Variants in LHFPL6 observed in about 807,000 individuals in gnomAD.
LHFPL6 encodes the protein LHFPL tetraspan subfamily member 6.
In LHFPL6, 9 loss-of-function variants were observed where a neutral mutation model predicts 20.6. That is an observed-to-expected ratio of 0.44 (90% CI 0.26 to 0.76). The LOEUF is 0.76. LHFPL6 is among the 30% of genes least tolerant of loss of function. The pLI is 0.20. For missense variants in LHFPL6, 218 were observed against 253.5 expected (o/e 0.86, Z 0.95); for synonymous variants, 105 against 98.7 (o/e 1.06, Z -0.38).
intron 2 of LHFPL6, among the ~76,000 whole-genome samples, chr13:39,500,811 G>C (rs1162240424): frequency 6.6e-6 from 1 of 152,094 alleles, no homozygotes; most frequent in Non-Finnish European, 1.5e-5. Context: ...AGCAAACCCA[G>C]TATTTCACAT....
chr13:39,408,132 T>C (rs945627944), intron 2 of LHFPL6, among the ~76,000 whole-genome samples: 3 of 152,210 alleles, frequency 2.0e-5, no homozygotes, highest in Non-Finnish European at 4.4e-5. Context: ...ATACAACATA[T>C]ATGCATTCCC....
rs200364075 is a variant in LHFPL6, at chr13:39,503,914, G to A, written c.385+96918C>T. On this transcript the variant is annotated intron_variant, in intron 2 of 3. Transcript: ENST00000379589. Reference sequence around the variant, plus strand: ...CAAAAAGCTTCCTCCAAAAGTTCTTGAAGAGTCTAACAATTAAACATGCTG... The same window carrying A: ...CAAAAAGCTTCCTCCAAAAGTTCTTAAAGAGTCTAACAATTAAACATGCTG... 7.2e-5 allele frequency among the ~76,000 whole-genome samples: 11 copies of A among 152,236 alleles called. No homozygotes were observed. In the East Asian group the frequency reaches 1.7e-3, roughly 24 times the overall value.
intron 2 of LHFPL6, among the ~76,000 whole-genome samples, chr13:39,590,135 A>G (rs891381687): frequency 6.6e-6 from 1 of 152,138 alleles, no homozygotes; most frequent in African/African-American, 2.4e-5. Context: ...TTTGGTTTTC[A>G]TGCTCTAAAA....
At chr13:39,346,762 C>T (rs1869410418) in intron 3 of LHFPL6, among the ~76,000 whole-genome samples, 1 of 152,116 alleles carries the variant, frequency 6.6e-6, no homozygotes, top group East Asian at 1.9e-4. Context: ...TACTTAAAAC[C>T]CTGTAATGAC....
At chr13:39,519,765 A>G (rs1570417) in intron 2 of LHFPL6, among the ~76,000 whole-genome samples, 123,566 of 152,124 alleles carry the variant, frequency 0.81, 50,444 homozygotes, top group African/African-American at 0.89. Context: ...AAGAGTGGGC[A>G]CCTGCAAATC....
chr13:39,502,886 T>G (rs1869341615), intron 2 of LHFPL6, among the ~76,000 whole-genome samples: 1 of 152,214 alleles, frequency 6.6e-6, no homozygotes, highest in Non-Finnish European at 1.5e-5. Flanking sequence ...TATTTATTAT[T>G]GTTGTATCTT....
At chr13:39,567,702 T>C (rs545199024) in intron 2 of LHFPL6, among the ~76,000 whole-genome samples, 1 of 152,344 alleles carries the variant, frequency 6.6e-6, no homozygotes, top group East Asian at 1.9e-4. Context: ...GGCTTCAGGC[T>C]GGATTTGGCC....
At chr13:39,382,979 T>C (rs9805148) in intron 2 of LHFPL6, among the ~76,000 whole-genome samples, 15,023 of 152,238 alleles carry the variant, frequency 0.099, 791 homozygotes, top group African/African-American at 0.13. Flanking sequence ...ATCAGGCTAA[T>C]TGGCTATCAC....
At chr13:39,480,214 A>C (rs939628414) in intron 2 of LHFPL6, among the ~76,000 whole-genome samples, 4 of 152,236 alleles carry the variant, frequency 2.6e-5, no homozygotes, top group Non-Finnish European at 5.9e-5. Flanking sequence ...ATCTGAACCT[A>C]GACCTGGACT....
chr13:39,538,838 T>A (rs1870706298), intron 2 of LHFPL6, among the ~76,000 whole-genome samples: 1 of 152,212 alleles, frequency 6.6e-6, no homozygotes, highest in Admixed American at 6.5e-5. Context: ...TAAGGATACC[T>A]GCAATTTACA....
intron 2 of LHFPL6, among the ~76,000 whole-genome samples, chr13:39,427,084 T>A (rs1593308946): frequency 6.6e-6 from 1 of 152,040 alleles, no homozygotes. Context: ...TTGCCCTATA[T>A]GTGCTTGTTG....
At chr13:39,352,867 ATATATATATATAAATGTATATATATGTG>A (rs1566091557) in intron 3 of LHFPL6, among the ~76,000 whole-genome samples, 4 of 75,396 alleles carry the variant, frequency 5.3e-5, no homozygotes, top group Admixed American at 1.7e-4. Flanking sequence ...ATATATGTGT[ATATATATATATAAATGTATATATATGTG>A]TATATATATA....
At chr13:39,472,928 C>A (rs1223534326) in intron 2 of LHFPL6, among the ~76,000 whole-genome samples, 1 of 152,170 alleles carries the variant, frequency 6.6e-6, no homozygotes, top group Non-Finnish European at 1.5e-5. Flanking sequence ...TTATTAACAA[C>A]AGGCCTTCAC....
intron 2 of LHFPL6, among the ~76,000 whole-genome samples, chr13:39,533,644 T>A (rs1870532372): frequency 6.6e-6 from 1 of 151,776 alleles, no homozygotes; most frequent in Non-Finnish European, 1.5e-5. Context: ...TGGAAGGGAG[T>A]CCTCCCCACC....
intron 2 of LHFPL6, among the ~76,000 whole-genome samples, chr13:39,470,316 G>A (rs1233052434): frequency 6.6e-6 from 1 of 152,054 alleles, no homozygotes; most frequent in Non-Finnish European, 1.5e-5. Flanking sequence ...GCCAAATTTT[G>A]AGCAAAATTA....
chr13:39,374,495 G>A (rs931419841), intron 3 of LHFPL6, among the ~76,000 whole-genome samples: 1 of 151,872 alleles, frequency 6.6e-6, no homozygotes, highest in Non-Finnish European at 1.5e-5. Flanking sequence ...ATACACTCAT[G>A]TAATAAACTT....
At chr13:39,432,933 C>T (rs908412686) in intron 2 of LHFPL6, among the ~76,000 whole-genome samples, 2 of 152,160 alleles carry the variant, frequency 1.3e-5, no homozygotes, top group Admixed American at 6.5e-5. Flanking sequence ...GTATAGAATA[C>T]ATACCTTGTT....
At chr13:39,486,847 A>G (rs1868743196) in intron 2 of LHFPL6, among the ~76,000 whole-genome samples, 1 of 152,246 alleles carries the variant, frequency 6.6e-6, no homozygotes, top group Admixed American at 6.5e-5. Context: ...CTCTAAAGAA[A>G]GGATTGAAAT....
At chr13:39,466,002 C>T (rs1416361164) in intron 2 of LHFPL6, among the ~76,000 whole-genome samples, 8 of 152,128 alleles carry the variant, frequency 5.3e-5, no homozygotes, top group African/African-American at 7.2e-5. Context: ...CTGGGTAGAA[C>T]GTTCATGGTC....
Sources: allele counts gnomAD v4.1 joint callset (sites outside exome capture counted in the v4.1 genomes callset), GRCh38; gene constraint gnomAD v4.1.1; transcripts MANE v1.5; gene names NCBI Gene and HGNC (gene_info 2026-07-23, HGNC 2026-07-21).